Variants in PCSK5 observed in about 807,000 individuals in gnomAD.
The protein encoded by PCSK5 is proprotein convertase subtilisin/kexin type 5, also known as prohormone convertase 5.
A neutral mutation model predicts 233.2 loss-of-function variants in PCSK5; 129 were observed. The ratio of observed to expected loss-of-function variants is 0.55; its 90% CI spans 0.48 to 0.64. The LOEUF (loss-of-function observed/expected upper bound fraction) is 0.64, where lower values mean the gene tolerates loss of function less well. PCSK5 is among the 30% of genes least tolerant of loss of function. The pLI is 0.00. For missense variants in PCSK5, 2,076 were observed against 2,430.1 expected (o/e 0.85, Z 3.06); for synonymous variants, 825 against 879.2 (o/e 0.94, Z 1.09).
chr9:76,039,925 G>A (rs74921663), intron 5 of PCSK5, among the ~76,000 whole-genome samples: 1,985 of 152,284 alleles, frequency 0.013, 41 homozygotes, highest in South Asian at 0.082. Flanking sequence ...AGGTTCCCTC[G>A]AATGGCATTA....
At chr9:76,208,127 G>A (rs755441504) in intron 20 of PCSK5, among the ~76,000 whole-genome samples, 2 of 152,104 alleles carry the variant, frequency 1.3e-5, no homozygotes, top group Non-Finnish European at 2.9e-5. Flanking sequence ...TGAAGGCAGA[G>A]CCCCCATGAC....
intron 20 of PCSK5, chr9:76,193,878 C>T (rs1293671878): frequency 6.5e-6 from 1 of 154,134 alleles, no homozygotes; most frequent in Non-Finnish European, 1.4e-5. Context: ...GAACATCCTA[C>T]AGAGTTGTGT....
intron 1 of PCSK5, among the ~76,000 whole-genome samples, chr9:75,908,953 A>C (rs775079348): frequency 3.4e-4 from 34 of 99,984 alleles, no homozygotes; most frequent in East Asian, 1.8e-3. Flanking sequence ...CTATCTATCT[A>C]TCTATCTATC....
chr9:76,041,422 C>T (rs6560490), intron 5 of PCSK5, among the ~76,000 whole-genome samples: 57,691 of 152,032 alleles, frequency 0.38, 11,769 homozygotes, highest in African/African-American at 0.52. Context: ...AAAAGGCATC[C>T]TCTTGTTAAG....
chr9:76,012,771 G>C (rs1241912071), intron 3 of PCSK5, among the ~76,000 whole-genome samples: 1 of 152,198 alleles, frequency 6.6e-6, no homozygotes. Context: ...GTTGAATTCA[G>C]ATTTTGTCTC....
chr9:75,979,422 G>A (rs960951115), intron 2 of PCSK5, among the ~76,000 whole-genome samples: 2 of 152,146 alleles, frequency 1.3e-5, no homozygotes, highest in Non-Finnish European at 2.9e-5. Context: ...TGGTGGAGTT[G>A]TAGGGACAAG....
chr9:75,924,865 A>G (rs1231903596), intron 1 of PCSK5, among the ~76,000 whole-genome samples: 1 of 152,144 alleles, frequency 6.6e-6, no homozygotes, highest in Non-Finnish European at 1.5e-5. Context: ...GCTGCCCACC[A>G]TCAACCTTAG....
intron 3 of PCSK5, among the ~76,000 whole-genome samples, chr9:76,003,296 C>T (rs1827339770): frequency 6.6e-6 from 1 of 152,182 alleles, no homozygotes; most frequent in African/African-American, 2.4e-5. Context: ...TCACTTGAAC[C>T]TGGGAAGTCG....
At chr9:75,932,284 G>A (rs1311886810) in intron 1 of PCSK5, 95 bp from the exon 2 acceptor site, 1 of 753,540 alleles carries the variant, frequency 1.3e-6, no homozygotes, top group East Asian at 2.5e-5. Context: ...TTTTTGTTTT[G>A]TGTTCCTTTT....
chr9:75,923,479 C>G (rs962075475), intron 1 of PCSK5, among the ~76,000 whole-genome samples: 1 of 152,188 alleles, frequency 6.6e-6, no homozygotes, highest in East Asian at 1.9e-4. Context: ...TAGCAGAGTA[C>G]CTATATTGCT....
chr9:76,158,543 C>T (rs555038748), intron 11 of PCSK5, among the ~76,000 whole-genome samples: 4 of 152,104 alleles, frequency 2.6e-5, no homozygotes, highest in African/African-American at 4.8e-5. Flanking sequence ...GATGTGAACC[C>T]CCTTTATGCT....
rs5898449 is a variant in PCSK5, at chr9:76,088,930, A to AT, written c.895-6942dup. Among the ~76,000 whole-genome samples, 923 of 140,116 alleles carry AT rather than the reference A, an allele frequency of 6.6e-3. 15 individuals are homozygous for AT. The highest frequency in any genetic ancestry group is 0.018 in the African/African-American group (699 of 38,368). The allele number at this position is 140,116 out of a possible 152,430, so 91.9% of individuals were successfully genotyped here. ...TTGGTGGTGTTCGTGAGGTTTTTTAATTTTTTTTTTTTTTTTTTGGTCTTT... is the reference window on the plus strand; with the variant it reads ...TTGGTGGTGTTCGTGAGGTTTTTTAATTTTTTTTTTTTTTTTTTTGGTCTTT... On this transcript the variant is annotated intron_variant, in intron 7 of 37. Coordinates refer to ENST00000674117, the MANE Select transcript of PCSK5 (RefSeq NM_001372043.1).
intron 33 of PCSK5, among the ~76,000 whole-genome samples, chr9:76,329,801 C>G (rs1356344403): frequency 6.6e-6 from 1 of 152,002 alleles, no homozygotes; most frequent in Non-Finnish European, 1.5e-5. Flanking sequence ...CCACTACACT[C>G]CAGCCTAGGC....
chr9:76,161,883 G>A (rs78269964), intron 12 of PCSK5, among the ~76,000 whole-genome samples: 3,379 of 152,262 alleles, frequency 0.022, 121 homozygotes, highest in African/African-American at 0.076. Context: ...TGCGGTGACC[G>A]GCACTCCTAT....
At chr9:76,351,460 GAAAGA>G (rs1564196583) in intron 36 of PCSK5, among the ~76,000 whole-genome samples, 395 of 35,508 alleles carry the variant, frequency 0.011, 68 homozygotes, top group Middle Eastern at 0.04. Context: ...AAGAAAGAAA[GAAAGA>G]AAGAAAGAAA....
At chr9:76,021,371 G>GA (rs1296237200) in intron 3 of PCSK5, among the ~76,000 whole-genome samples, 1 of 151,824 alleles carries the variant, frequency 6.6e-6, no homozygotes, top group Middle Eastern at 3.4e-3. Context: ...GTGTGGGTTG[G>GA]GGGGTGTATT....
chr9:75,974,128 G>T (rs1270696249), intron 2 of PCSK5, among the ~76,000 whole-genome samples: 2 of 152,142 alleles, frequency 1.3e-5, no homozygotes, highest in Admixed American at 1.3e-4. Flanking sequence ...ACTGTGGTGG[G>T]CATGGATTAC....
At chr9:76,120,664 T>C (rs10781337) in intron 9 of PCSK5, among the ~76,000 whole-genome samples, 72,124 of 151,454 alleles carry the variant, frequency 0.48, 17,578 homozygotes, top group Admixed American at 0.52. Context: ...ACTCACATTA[T>C]ATTATAGCTG....
intron 33 of PCSK5, among the ~76,000 whole-genome samples, chr9:76,331,009 G>A (rs376292278): frequency 1.3e-5 from 2 of 152,098 alleles, no homozygotes; most frequent in South Asian, 2.1e-4. Flanking sequence ...CCCCTCATCC[G>A]AGGCTGCAGA....
Sources: allele counts gnomAD v4.1 joint callset (sites outside exome capture counted in the v4.1 genomes callset), GRCh38; gene constraint gnomAD v4.1.1; transcripts MANE v1.5; gene names NCBI Gene and HGNC (gene_info 2026-07-23, HGNC 2026-07-21).